SYNPO2: variants seen among roughly 807,000 people sequenced by gnomAD.
The protein encoded by SYNPO2 is synaptopodin-2.
Under a neutral mutation model 85.0 loss-of-function variants are expected in SYNPO2, and 56 were observed. The observed-to-expected ratio is 0.66, with a 90% CI of 0.53 to 0.82. The LOEUF (loss-of-function observed/expected upper bound fraction) is 0.82, where lower values mean the gene tolerates loss of function less well. SYNPO2 is among the 40% of genes least tolerant of loss of function. SYNPO2 has a pLI of 0.00. For synonymous variants in SYNPO2, 602 were observed against 591.1 expected (o/e 1.02, Z -0.27); for missense variants, 1,575 against 1,534.2 (o/e 1.03, Z -0.44).
At chr4:118,948,220 C>T (rs1431919884) in intron 1 of SYNPO2, among the ~76,000 whole-genome samples, 2 of 152,098 alleles carry the variant, frequency 1.3e-5, no homozygotes, top group African/African-American at 2.4e-5. Flanking sequence ...GATTTGTTAA[C>T]ATTTTGGTTC....
intron 1 of SYNPO2, among the ~76,000 whole-genome samples, chr4:119,015,316 TC>T (rs924836682): frequency 6.6e-6 from 1 of 152,202 alleles, no homozygotes; most frequent in Non-Finnish European, 1.5e-5. Context: ...AAGTCTCTAC[TC>T]CTGTCATTTG....
intron 1 of SYNPO2, among the ~76,000 whole-genome samples, chr4:118,989,139 C>T (rs1482726491): frequency 2.0e-5 from 3 of 152,184 alleles, no homozygotes; most frequent in Admixed American, 6.5e-5. Context: ...GGGCAGTTGA[C>T]TTGGGAAAGC....
In SYNPO2 at chr4:119,023,481, G is replaced by A; in HGVS notation, c.157G>A (p.Val53Met). Residue 53 changes from valine to methionine, a missense_variant, in exon 2 of 5, where the codon GTG becomes ATG. Coordinates refer to ENST00000307142, the MANE Select transcript of SYNPO2 (RefSeq NM_133477.3). The part of the protein sequence containing the change: ...SGSGLCEGDE[V>M]VSINGNPCAD... ...GTCTGGGCTCTGTGAGGGAGATGAA[G>A]TGGTTTCCATCAATGGCAACCCTTG... 6.2e-7 allele frequency: 1 copy of A among 1,613,944 alleles called. No homozygotes were observed. The highest frequency in any genetic ancestry group is 8.5e-7 in the Non-Finnish European group (1 of 1,179,902).
chr4:119,037,758 T>G (rs1027040857), intron 4 of SYNPO2: 45 of 532,070 alleles, frequency 8.5e-5, no homozygotes, highest in Non-Finnish European at 1.1e-4. Flanking sequence ...TGATTTGTGC[T>G]GAGTATCTTT....
intron 1 of SYNPO2, among the ~76,000 whole-genome samples, chr4:119,010,062 C>G (rs80140169): frequency 6.6e-6 from 1 of 152,060 alleles, no homozygotes; most frequent in Non-Finnish European, 1.5e-5. Context: ...GTTCTGAGTA[C>G]TCTATTAGAT....
At chr4:118,965,701 C>T (rs7699133) in intron 1 of SYNPO2, among the ~76,000 whole-genome samples, 1 of 151,934 alleles carries the variant, frequency 6.6e-6, no homozygotes, top group African/African-American at 2.4e-5. Flanking sequence ...GCACTATTAT[C>T]GGTGCTGGAA....
intron 1 of SYNPO2, among the ~76,000 whole-genome samples, chr4:118,943,514 C>A (rs62327797): frequency 0.1 from 15,736 of 152,190 alleles, 907 homozygotes; most frequent in East Asian, 0.15. Context: ...CAAAGTTGCT[C>A]TCTTTAAAAT....
chr4:118,932,612 A>G (rs1446227645), intron 1 of SYNPO2, among the ~76,000 whole-genome samples: 2 of 152,226 alleles, frequency 1.3e-5, no homozygotes, highest in African/African-American at 4.8e-5. Flanking sequence ...AACTGAGCAC[A>G]GACTAAATTT....
intron 4 of SYNPO2, among the ~76,000 whole-genome samples, chr4:119,052,348 T>C (rs1373528935): frequency 2.0e-5 from 3 of 152,036 alleles, no homozygotes; most frequent in Non-Finnish European, 2.9e-5. Context: ...AGGGAGCATA[T>C]AGGATGAGTC....
intron 1 of SYNPO2, among the ~76,000 whole-genome samples, chr4:118,986,732 T>C (rs1248154181): frequency 6.6e-6 from 1 of 152,230 alleles, no homozygotes; most frequent in Non-Finnish European, 1.5e-5. Flanking sequence ...TTTTAGCTAA[T>C]AATTTTACTT....
At chr4:119,016,858 G>C (rs191744914) in intron 1 of SYNPO2, among the ~76,000 whole-genome samples, 1 of 152,266 alleles carries the variant, frequency 6.6e-6, no homozygotes, top group Admixed American at 6.5e-5. Flanking sequence ...AATCACTTTG[G>C]TATGAAGATT....
At chr4:118,899,145 G>C (rs1251608268) in intron 1 of SYNPO2, among the ~76,000 whole-genome samples, 3 of 152,154 alleles carry the variant, frequency 2.0e-5, no homozygotes, top group African/African-American at 2.4e-5. Flanking sequence ...ACCAGTGATA[G>C]CCAAAAGGTT....
chr4:118,871,858 C>T (rs372325036), intron 1 of SYNPO2, among the ~76,000 whole-genome samples: 40 of 152,284 alleles, frequency 2.6e-4, no homozygotes, highest in African/African-American at 5.8e-4. Flanking sequence ...CGTGAGCCAC[C>T]GCACCTGGCC....
chr4:118,953,219 T>G (rs1734754383), intron 1 of SYNPO2, among the ~76,000 whole-genome samples: 1 of 152,178 alleles, frequency 6.6e-6, no homozygotes, highest in African/African-American at 2.4e-5. Flanking sequence ...CCAAACGATG[T>G]TGAGAGCTTA....
At chr4:118,909,207 G>A (rs940540086) in intron 1 of SYNPO2, among the ~76,000 whole-genome samples, 1 of 152,208 alleles carries the variant, frequency 6.6e-6, no homozygotes, top group Non-Finnish European at 1.5e-5. Context: ...CTAGTATAGA[G>A]GATAAAGCTC....
At position 119,050,424 on chromosome 4, in the gene SYNPO2, G is replaced by A. The variant is rs114963450; in HGVS notation, c.3253-6977G>A. On this transcript the variant is annotated intron_variant, in intron 4 of 4. Transcript: ENST00000307142. ...CTCTGGTATGAGACTGCCTGCCTGG[G>A]TTCAATTTTCCACCCCAACACTTAC... is the stretch of plus-strand genomic sequence containing the variant. 7.4e-3 allele frequency among the ~76,000 whole-genome samples: 1,123 copies of A among 152,158 alleles called. 19 individuals are homozygous for A. Among genetic ancestry groups the A allele is most frequent in the African/African-American group, 0.026 (1,080 of 41,522 alleles).
intron 1 of SYNPO2, among the ~76,000 whole-genome samples, chr4:118,936,606 A>C (rs1734112942): frequency 6.6e-6 from 1 of 152,140 alleles, no homozygotes; most frequent in African/African-American, 2.4e-5. Context: ...CACAGCCTGG[A>C]GCATTTTGTA....
chr4:119,027,903 T>C (rs1364186095), intron 3 of SYNPO2, among the ~76,000 whole-genome samples: 1 of 151,874 alleles, frequency 6.6e-6, no homozygotes, highest in Non-Finnish European at 1.5e-5. Flanking sequence ...AAAAAAATCA[T>C]TGTGCAGCTT....
chr4:118,854,178 A>G lies in SYNPO2; in HGVS notation c.12+3238A>G, dbSNP rs554153779. Among the ~76,000 whole-genome samples the G allele has an allele frequency of 2.6e-5, 4 of 152,308 alleles. No individual in the cohort carries two copies. In the South Asian group the frequency reaches 6.2e-4, roughly 24 times the overall value. On this transcript the variant is annotated intron_variant, in intron 1 of 4. Coordinates refer to the SYNPO2 transcript ENST00000610556. ...CTGCTAATTACACAAAAAACAAAGAATCTGCTTCAGAAGTTAATGTTACCT... is the reference window on the plus strand; with the variant it reads ...CTGCTAATTACACAAAAAACAAAGAGTCTGCTTCAGAAGTTAATGTTACCT...
Sources: allele counts gnomAD v4.1 joint callset (sites outside exome capture counted in the v4.1 genomes callset), GRCh38; gene constraint gnomAD v4.1.1; transcripts MANE v1.5; gene names NCBI Gene and HGNC (gene_info 2026-07-23, HGNC 2026-07-21).